TNPO1: variants seen among roughly 807,000 people sequenced by gnomAD.
TNPO1 encodes the protein transportin-1.
In TNPO1, 8 loss-of-function variants were observed where a neutral mutation model predicts 119.5. The observed-to-expected ratio is 0.07, with a 90% CI of 0.04 to 0.12. TNPO1 has a LOEUF of 0.12. Among genes scored for constraint, TNPO1 ranks in the 10% least tolerant of loss-of-function variants. TNPO1 has a pLI of 1.00. For synonymous variants in TNPO1, 362 were observed against 363.0 expected (o/e 1.00, Z 0.03); for missense variants, 576 against 1,089.8 (o/e 0.53, Z 6.64).
intron 11 of TNPO1, among the ~76,000 whole-genome samples, chr5:72,885,750 T>TGG (rs1748577234): frequency 6.6e-6 from 1 of 151,726 alleles, no homozygotes; most frequent in Non-Finnish European, 1.5e-5. Flanking sequence ...TTGGTTTTTT[T>TGG]TTTTTTTTTT....
chr5:72,880,447 A>G (rs913450948), intron 9 of TNPO1, among the ~76,000 whole-genome samples: 5 of 152,176 alleles, frequency 3.3e-5, no homozygotes, highest in African/African-American at 4.8e-5. Context: ...AAACAACCCA[A>G]TGCTCAGCCC....
chr5:72,887,231 A>C lies in TNPO1; in HGVS notation c.1303+9A>C. 1 of 1,183,508 alleles carries C rather than the reference A, an allele frequency of 8.4e-7. No homozygotes were observed. Among genetic ancestry groups the C allele is most frequent in the Non-Finnish European group, 1.2e-6 (1 of 859,628 alleles). 73.3% of individuals were successfully genotyped at this position (1,183,508 alleles called of 1,614,324 possible). ...AGGAGCAATTGCTGAAGGTAAGCCT[A>C]AGTCCAGTTTGAATTATGTAAGTTG... is the stretch of plus-strand genomic sequence containing the variant. On this transcript the variant is annotated intron_variant, in intron 12 of 24. Coordinates refer to ENST00000337273, the MANE Select transcript of TNPO1 (RefSeq NM_002270.4).
intron 5 of TNPO1, among the ~76,000 whole-genome samples, chr5:72,864,808 CA>C (rs1746757112): frequency 6.6e-6 from 1 of 151,896 alleles, no homozygotes; most frequent in South Asian, 2.1e-4. Context: ...AGGGTTTCAC[CA>C]TGTTGGCTAG....
intron 5 of TNPO1, 62 bp downstream of exon 5, chr5:72,861,976 TAGC>T (rs1285824088): frequency 3.1e-6 from 4 of 1,306,430 alleles, no homozygotes; most frequent in Middle Eastern, 1.8e-4. Flanking sequence ...TGTTGTGTAT[TAGC>T]AGCTTTTGGG....
At chr5:72,844,679 T>G (rs966419577) in intron 1 of TNPO1, among the ~76,000 whole-genome samples, 1 of 152,194 alleles carries the variant, frequency 6.6e-6, no homozygotes, top group African/African-American at 2.4e-5. Context: ...TATATTCCCA[T>G]TTTAGGGTTG....
At position 72,838,382 on chromosome 5, in the gene TNPO1, T is replaced by A. The variant is rs150536588; in HGVS notation, c.16-10003T>A. Among the ~76,000 whole-genome samples, 16 of 152,330 alleles carry A rather than the reference T, an allele frequency of 1.1e-4. No individual in the cohort carries two copies. The East Asian group carries it at 2.5e-3, about 24-fold the overall frequency. On this transcript the variant is annotated intron_variant, in intron 1 of 24. Coordinates refer to ENST00000337273, the MANE Select transcript of TNPO1 (RefSeq NM_002270.4). ...TTATCCCAGTGTGCTAATTTTTTTT[T>A]AATTATCAGCTTGGCTTATCAACTG... is the stretch of plus-strand genomic sequence containing the variant.
At chr5:72,891,357 C>CG (rs1438776237) in intron 14 of TNPO1, among the ~76,000 whole-genome samples, 1 of 151,758 alleles carries the variant, frequency 6.6e-6, no homozygotes, top group South Asian at 2.1e-4. Context: ...CCCAGCTACT[C>CG]GGGAGGCTGA....
At chr5:72,854,493 C>G (rs1745828971) in intron 3 of TNPO1, among the ~76,000 whole-genome samples, 1 of 152,166 alleles carries the variant, frequency 6.6e-6, no homozygotes, top group Non-Finnish European at 1.5e-5. Context: ...TTTACAATAA[C>G]ATTCTGTTCA....
Position 72,877,246 on chromosome 5 carries a change from C to G in TNPO1, c.820C>G (p.Gln274Glu). The G allele has an allele frequency of 6.2e-7, 1 of 1,609,240 alleles. No homozygotes were observed. Among genetic ancestry groups the G allele is most frequent in the Non-Finnish European group, 8.5e-7 (1 of 1,176,584 alleles). Reference sequence around the variant, plus strand: ...TTTCCAGTACATGCTACAGAGGACTCAAGATCAAGATGAAAATGTGGCTTT... The same window carrying G: ...TTTCCAGTACATGCTACAGAGGACTGAAGATCAAGATGAAAATGTGGCTTT... Reference protein sequence around the residue: ...NIVEYMLQRTQDQDENVALEA... With the variant: ...NIVEYMLQRTEDQDENVALEA... Residue 274 changes from glutamine to glutamate, a missense_variant, in exon 9 of 25, where the codon CAA (glutamine) becomes GAA (glutamate). Around this residue, in one of 6 missense-constraint regions of TNPO1, gnomAD observed 310 missense variants for 583.0 expected, o/e 0.53. Transcript: ENST00000337273.
intron 6 of TNPO1, among the ~76,000 whole-genome samples, chr5:72,866,983 T>G (rs918474198): frequency 1.3e-5 from 2 of 152,068 alleles, no homozygotes; most frequent in African/African-American, 4.8e-5. Context: ...GAGACCAGCC[T>G]ACGCAACATA....
chr5:72,896,640 C>A (rs772844443), intron 19 of TNPO1, 84 bp downstream of exon 19: 6 of 1,037,200 alleles, frequency 5.8e-6, no homozygotes, highest in Middle Eastern at 6.6e-4. Flanking sequence ...GAGGCTGAGG[C>A]GGGCAGATCA....
At chr5:72,878,477 G>A (rs1580443707) in intron 9 of TNPO1, 1 of 150,798 alleles carries the variant, frequency 6.6e-6, no homozygotes, top group Non-Finnish European at 1.5e-5. Context: ...TTTTTAATAT[G>A]TCTTCATAGT....
At chr5:72,818,553 CT>C (rs1743802000) in intron 1 of TNPO1, among the ~76,000 whole-genome samples, 1 of 151,738 alleles carries the variant, frequency 6.6e-6, no homozygotes, top group Non-Finnish European at 1.5e-5. Context: ...GAAAAGAAAC[CT>C]GGTTATAAAG....
Position 72,817,010 on chromosome 5 carries a change from C to T in TNPO1, c.15+258C>T, listed in dbSNP as rs572914469. 2.2e-3 allele frequency: 1,049 copies of T among 475,210 alleles called. 7 individuals are homozygous for T. The highest frequency in any genetic ancestry group is 4.8e-3 in the South Asian group (140 of 28,882). The allele number at this position is 475,210 out of a possible 1,614,324, so 29.4% of individuals were successfully genotyped here. A position where few individuals can be genotyped will look rare whatever the true frequency, so the allele number is the denominator to read the frequency against. On this transcript the variant is annotated intron_variant, in intron 1 of 24. Coordinates refer to ENST00000337273, the MANE Select transcript of TNPO1 (RefSeq NM_002270.4). ...CGTCCGAGGATCCCGTTAGGGGCGG[C>T]AGGAGCCCGTTACAAGGGGCGGGAA...
chr5:72,879,008 G>T, intron 9 of TNPO1: 1 of 434,614 alleles, frequency 2.3e-6, no homozygotes, highest in East Asian at 7.2e-5. Flanking sequence ...TTGCCGCCAG[G>T]AGTCTCTGTG....
intron 1 of TNPO1, among the ~76,000 whole-genome samples, chr5:72,821,039 G>GT (rs1479786572): frequency 1.3e-5 from 2 of 152,036 alleles, no homozygotes; most frequent in Non-Finnish European, 2.9e-5. Flanking sequence ...GAAAAGGCCC[G>GT]TAAGTGCTAA....
Position 72,835,463 on chromosome 5 carries a change from A to G in TNPO1, c.16-12922A>G, listed in dbSNP as rs141230362. ...GGCTTGCCCTCTGCTTCATAAATGG[A>G]GCCTTCTTGCTGCATCCCCACATGG... On this transcript the variant is annotated intron_variant, in intron 1 of 24. Coordinates refer to ENST00000337273, the MANE Select transcript of TNPO1 (RefSeq NM_002270.4). 2.0e-3 allele frequency among the ~76,000 whole-genome samples: 303 copies of G among 152,234 alleles called. 3 individuals are homozygous for G. The highest frequency in any genetic ancestry group is 7.1e-3 in the African/African-American group (293 of 41,532).
chr5:72,824,166 A>G (rs1167701216), intron 1 of TNPO1, among the ~76,000 whole-genome samples: 2 of 152,096 alleles, frequency 1.3e-5, no homozygotes, highest in African/African-American at 4.8e-5. Flanking sequence ...ATTCTCTCTC[A>G]TCTGCTCAAG....
intron 4 of TNPO1, 145 bp from the exon 5 acceptor site, chr5:72,861,663 C>G (rs1684194704): frequency 6.8e-6 from 4 of 590,046 alleles, no homozygotes; most frequent in Non-Finnish European, 6.0e-6. Context: ...CTCGGCCTCC[C>G]AGAATGCTGG....
Sources: gnomAD v4.1 joint callset for allele counts (sites outside exome capture counted in the v4.1 genomes callset) on GRCh38, gnomAD v4.1.1 for gene constraint, gnomAD v4.1.1 regional missense constraint, MANE v1.5 for transcripts, NCBI Gene and HGNC (gene_info 2026-07-23, HGNC 2026-07-21) for gene names.